Variants in MARCHF5 observed in about 807,000 individuals in gnomAD.
The protein encoded by MARCHF5 is E3 ubiquitin-protein ligase MARCHF5.
Under a neutral mutation model 36.5 loss-of-function variants are expected in MARCHF5, and 5 were observed. The ratio of observed to expected loss-of-function variants is 0.14; its 90% CI spans 0.07 to 0.29. The LOEUF is 0.29. MARCHF5 is among the 10% of genes least tolerant of loss of function. The pLI, the probability that MARCHF5 is intolerant of heterozygous loss-of-function variation, is 1.00. For synonymous variants in MARCHF5, 103 were observed against 109.9 expected (o/e 0.94, Z 0.39); for missense variants, 179 against 336.3 (o/e 0.53, Z 3.66).
At chr10:92,307,601 C>T (rs1843091707) in intron 1 of MARCHF5, among the ~76,000 whole-genome samples, 1 of 151,904 alleles carries the variant, frequency 6.6e-6, no homozygotes, top group Non-Finnish European at 1.5e-5. Flanking sequence ...TGTGGCCAGG[C>T]GCAGTGGGTC....
chr10:92,328,346 TTTTTTTTG>T (rs1399840837), intron 2 of MARCHF5, among the ~76,000 whole-genome samples: 1 of 151,574 alleles, frequency 6.6e-6, no homozygotes, highest in Non-Finnish European at 1.5e-5. Flanking sequence ...ACTTTTTTTT[TTTTTTTTG>T]CCCTTTTTTG....
chr10:92,346,404 A>G (rs758230086), intron 3 of MARCHF5, among the ~76,000 whole-genome samples: 5 of 152,036 alleles, frequency 3.3e-5, no homozygotes, highest in Non-Finnish European at 2.9e-5. Context: ...TCCCACTTCT[A>G]ACTTGCTTGA....
chr10:92,292,540 C>T (rs1360456844), intron 1 of MARCHF5, among the ~76,000 whole-genome samples: 1 of 152,164 alleles, frequency 6.6e-6, no homozygotes, highest in South Asian at 2.1e-4. Context: ...GCTTTTGGGC[C>T]TGCCACACCC....
chr10:92,325,788 C>T (rs1320481048), intron 2 of MARCHF5, among the ~76,000 whole-genome samples: 2 of 152,148 alleles, frequency 1.3e-5, no homozygotes, highest in Non-Finnish European at 2.9e-5. Context: ...AGCAATTCTC[C>T]TGCCTCAGCC....
intron 2 of MARCHF5, among the ~76,000 whole-genome samples, chr10:92,340,288 C>T (rs749528609): frequency 5.9e-5 from 9 of 152,116 alleles, no homozygotes; most frequent in East Asian, 1.9e-4. Flanking sequence ...AGGCTGTTTA[C>T]GAGAATTTAT....
intron 2 of MARCHF5, among the ~76,000 whole-genome samples, chr10:92,331,965 G>A (rs957400877): frequency 1.4e-5 from 2 of 142,524 alleles, no homozygotes; most frequent in Non-Finnish European, 3.0e-5. Context: ...ATATATAATC[G>A]TATATATATA....
At chr10:92,300,186 A>AAAAGT (rs1842996956) in intron 1 of MARCHF5, among the ~76,000 whole-genome samples, 1 of 150,814 alleles carries the variant, frequency 6.6e-6, no homozygotes, top group African/African-American at 2.4e-5. Flanking sequence ...AAAAGAAAAG[A>AAAAGT]AAAAAAGATC....
At chr10:92,322,352 C>T (rs1056973652) in intron 2 of MARCHF5, among the ~76,000 whole-genome samples, 1 of 145,500 alleles carries the variant, frequency 6.9e-6, no homozygotes, top group Non-Finnish European at 1.5e-5. Context: ...TCCTTTCTTC[C>T]TTCTGCTTGA....
At chr10:92,313,118 CAGCTACTCAGG>C (rs1843165774) in intron 2 of MARCHF5, among the ~76,000 whole-genome samples, 1 of 152,082 alleles carries the variant, frequency 6.6e-6, no homozygotes, top group African/African-American at 2.4e-5. Context: ...CCTGTAGTCC[CAGCTACTCAGG>C]AGGCTGAGGC....
intron 2 of MARCHF5, among the ~76,000 whole-genome samples, chr10:92,326,736 C>A (rs1196447192): frequency 1.3e-5 from 2 of 150,432 alleles, no homozygotes; most frequent in Non-Finnish European, 3.0e-5. Flanking sequence ...AAAGGAATAG[C>A]AAATACATCA....
At chr10:92,313,580 G>T (rs1843171805) in intron 2 of MARCHF5, among the ~76,000 whole-genome samples, 1 of 151,592 alleles carries the variant, frequency 6.6e-6, no homozygotes, top group African/African-American at 2.4e-5. Flanking sequence ...ACTCCAGCCT[G>T]GGAGATAGAG....
chr10:92,331,310 A>G (rs913649), intron 2 of MARCHF5, among the ~76,000 whole-genome samples: 49,204 of 151,800 alleles, frequency 0.32, 9,767 homozygotes, highest in South Asian at 0.57. Context: ...TTTCTTCTTC[A>G]CTTGGAATTG....
Position 92,352,647 on chromosome 10 carries a change from A to T in MARCHF5, c.*1440A>T, listed in dbSNP as rs1843733110. The T allele has an allele frequency of 6.6e-6, 1 of 152,402 alleles. No individual in the cohort carries two copies. Among genetic ancestry groups the T allele is most frequent in the Non-Finnish European group, 1.5e-5 (1 of 68,024 alleles). 9.4% of individuals were successfully genotyped at this position (152,402 alleles called of 1,614,324 possible). A position where few individuals can be genotyped will look rare whatever the true frequency, so the allele number is the denominator to read the frequency against. ...CACTTTAGGAGTGTAGCAAATATAG[A>T]TTGAGCTATGTTAGTTTGCAATAAT... On this transcript the variant is annotated 3_prime_UTR_variant, in exon 6 of 6. Coordinates refer to ENST00000358935, the MANE Select transcript of MARCHF5 (RefSeq NM_017824.5).
chr10:92,303,471 T>C (rs1412815933), intron 1 of MARCHF5, among the ~76,000 whole-genome samples: 1 of 152,192 alleles, frequency 6.6e-6, no homozygotes, highest in Admixed American at 6.5e-5. Context: ...TCTCATCACA[T>C]TTCTGTATTA....
intron 1 of MARCHF5, among the ~76,000 whole-genome samples, chr10:92,298,737 A>G (rs752007116): frequency 2.6e-5 from 4 of 151,952 alleles, no homozygotes; most frequent in Non-Finnish European, 4.4e-5. Context: ...TAATTTTTGT[A>G]TTTTTAGTAG....
chr10:92,311,417 A>C (rs1450868285), intron 2 of MARCHF5, 80 bp downstream of exon 2: 1 of 964,642 alleles, frequency 1.0e-6, no homozygotes, highest in East Asian at 2.7e-5. Flanking sequence ...AAAATGAACC[A>C]CCTCTTTTTT....
intron 1 of MARCHF5, among the ~76,000 whole-genome samples, chr10:92,293,911 C>CT (rs1304272868): frequency 2.6e-4 from 40 of 152,158 alleles, no homozygotes; most frequent in Admixed American, 6.5e-5. Flanking sequence ...TCTTTGTACT[C>CT]TTTTGACATA....
At chr10:92,306,025 A>G (rs1364175083) in intron 1 of MARCHF5, among the ~76,000 whole-genome samples, 4 of 152,256 alleles carry the variant, frequency 2.6e-5, no homozygotes, top group Admixed American at 1.3e-4. Flanking sequence ...TTGGTTGCAC[A>G]TGATGCAATG....
intron 1 of MARCHF5, among the ~76,000 whole-genome samples, chr10:92,307,720 CAA>C (rs1470422815): frequency 6.6e-6 from 1 of 151,856 alleles, no homozygotes; most frequent in East Asian, 1.9e-4. Flanking sequence ...ACTAAAAATA[CAA>C]AAACTAGCTG....
Sources: gnomAD v4.1 joint callset for allele counts (sites outside exome capture counted in the v4.1 genomes callset) on GRCh38, gnomAD v4.1.1 for gene constraint, MANE v1.5 for transcripts, NCBI Gene and HGNC (gene_info 2026-07-23, HGNC 2026-07-21) for gene names.